PRDM1: variants seen among roughly 807,000 people sequenced by gnomAD.
PRDM1 encodes PR domain zinc finger protein 1.
PRDM1 carries 13 observed loss-of-function variants against 62.8 expected under a neutral mutation model. That is an observed-to-expected ratio of 0.21 (90% CI 0.13 to 0.33). The LOEUF (loss-of-function observed/expected upper bound fraction) is 0.33. Among genes scored for constraint, PRDM1 ranks in the 10% least tolerant of loss-of-function variants. The probability of loss-of-function intolerance (pLI) is 1.00; values close to 1 mark genes in which losing one functional copy is unlikely to be tolerated. For missense variants in PRDM1, 895 were observed against 1,058.8 expected, an observed-to-expected ratio of 0.85 and a Z score of 2.15; for synonymous variants, 396 against 417.6, an observed-to-expected ratio of 0.95 and a Z score of 0.63.
At chr6:106,095,238 G>C (rs529762799) in intron 2 of PRDM1, among the ~76,000 whole-genome samples, 1 of 152,166 alleles carries the variant, frequency 6.6e-6, no homozygotes, top group Non-Finnish European at 1.5e-5. Flanking sequence ...AGGAAACTAG[G>C]AACAGGCTGA....
chr6:106,069,800 G>A (rs540294794), intron 1 of PRDM1, among the ~76,000 whole-genome samples: 1 of 152,338 alleles, frequency 6.6e-6, no homozygotes, highest in African/African-American at 2.4e-5. Flanking sequence ...TGACTTTAGT[G>A]GAAGAGGTTG....
At chr6:106,081,941 C>G (rs769046100), upstream of PRDM1, among the ~76,000 whole-genome samples, 3 of 152,172 alleles carry the variant, frequency 2.0e-5, no homozygotes, top group Non-Finnish European at 4.4e-5. Context: ...AACTGGTCCT[C>G]CCTAATCTTA....
At chr6:106,042,214 G>C (rs1271613758) in intron 1 of PRDM1, among the ~76,000 whole-genome samples, 1 of 151,280 alleles carries the variant, frequency 6.6e-6, no homozygotes, top group Non-Finnish European at 1.5e-5. Flanking sequence ...CCTTTCTTCA[G>C]TGTTACCTTA....
At chr6:105,998,928 TA>T (rs1772393233) in intron 1 of PRDM1, among the ~76,000 whole-genome samples, 66 of 2,292 alleles carry the variant, frequency 0.029, no homozygotes, top group Non-Finnish European at 0.037. Flanking sequence ...TATATATATA[TA>T]TATATTTTTT....
intron 1 of PRDM1, among the ~76,000 whole-genome samples, chr6:106,074,639 A>G (rs1290445192): frequency 2.6e-5 from 4 of 152,160 alleles, no homozygotes; most frequent in Non-Finnish European, 5.9e-5. Flanking sequence ...GAAATAGATG[A>G]AACAACTATA....
At chr6:106,083,411 T>A (rs917815506), upstream of PRDM1, among the ~76,000 whole-genome samples, 19 of 151,230 alleles carry the variant, frequency 1.3e-4, no homozygotes, top group South Asian at 2.1e-4. Context: ...AAAAAAAAAA[T>A]TTTTTTTCCC....
At chr6:106,027,523 G>A (rs892204626) in intron 1 of PRDM1, among the ~76,000 whole-genome samples, 2 of 152,152 alleles carry the variant, frequency 1.3e-5, no homozygotes, top group African/African-American at 2.4e-5. Context: ...TAATGGGAGG[G>A]CGGACTTCAA....
intron 1 of PRDM1, among the ~76,000 whole-genome samples, chr6:106,054,262 A>G (rs1345686065): frequency 4.0e-5 from 6 of 149,798 alleles, no homozygotes; most frequent in African/African-American, 1.3e-4. Flanking sequence ...TACAAAATGA[A>G]TTTTAAATGC....
upstream of PRDM1, among the ~76,000 whole-genome samples, chr6:106,084,664 A>G (rs1232690540): frequency 6.6e-6 from 1 of 152,182 alleles, no homozygotes; most frequent in African/African-American, 2.4e-5. Flanking sequence ...TTTTCTGTCC[A>G]TTGTGGTGCT....
intron 1 of PRDM1, among the ~76,000 whole-genome samples, chr6:105,995,232 G>A (rs2114537001): frequency 6.6e-6 from 1 of 152,168 alleles, no homozygotes; most frequent in East Asian, 1.9e-4. Flanking sequence ...GCGTTGTCAC[G>A]TTCCCTTTGG....
chr6:106,023,505 G>A (rs1480023770), intron 1 of PRDM1, among the ~76,000 whole-genome samples: 1 of 151,988 alleles, frequency 6.6e-6, no homozygotes, highest in Non-Finnish European at 1.5e-5. Flanking sequence ...ATGATTTGAA[G>A]TAAGTTCTGA....
chr6:106,084,995 CT>C (rs1220104432), upstream of PRDM1, among the ~76,000 whole-genome samples: 1 of 152,140 alleles, frequency 6.6e-6, no homozygotes, highest in Non-Finnish European at 1.5e-5. Flanking sequence ...GCCTCTCCCC[CT>C]CTCCCCTAAA....
Position 106,095,722 on chromosome 6 carries a change from A to G in PRDM1, c.399A>G (p.Lys133=), listed in dbSNP as rs1353557226. 6.2e-7 allele frequency: 1 copy of G among 1,613,964 alleles called. No homozygotes were observed. Among genetic ancestry groups the G allele is most frequent in the South Asian group, 1.1e-5 (1 of 91,082 alleles). The change falls in exon 3 of 7, where the codon AAA becomes AAG. Residue 133 remains lysine, a synonymous_variant. Coordinates refer to ENST00000369096, the MANE Select transcript of PRDM1 (RefSeq NM_001198.4). ...NDTVPKNANR[K]YFWRIYSRGE... ...CAGTTCCTAAGAACGCCAACAGGAAATATTTTTGGAGGGTAAGTAAGGGAA... is the reference window on the plus strand; with the variant it reads ...CAGTTCCTAAGAACGCCAACAGGAAGTATTTTTGGAGGGTAAGTAAGGGAA...
intron 1 of PRDM1, among the ~76,000 whole-genome samples, chr6:106,027,010 C>G (rs185796986): frequency 6.6e-6 from 1 of 152,350 alleles, no homozygotes; most frequent in African/African-American, 2.4e-5. Context: ...TGCATCAGTT[C>G]CCTCTCTCAG....
At chr6:106,071,350 A>ATATG (rs756248016) in intron 1 of PRDM1, among the ~76,000 whole-genome samples, 6 of 152,150 alleles carry the variant, frequency 3.9e-5, no homozygotes, top group African/African-American at 7.2e-5. Context: ...TATATGTTAT[A>ATATG]TATGTATGTA....
At chr6:106,088,500 C>A (rs749766669) in intron 2 of PRDM1, 51 bp downstream of exon 2, 1 of 1,607,894 alleles carries the variant, frequency 6.2e-7, no homozygotes, top group African/African-American at 1.3e-5. Flanking sequence ...TGCCAAATCT[C>A]CCTACTTGCC....
chr6:106,000,732 T>A (rs984581448), intron 1 of PRDM1, among the ~76,000 whole-genome samples: 1 of 152,238 alleles, frequency 6.6e-6, no homozygotes, highest in Admixed American at 6.5e-5. Context: ...CATACTGATA[T>A]ATGTTGCTTT....
intron 1 of PRDM1, among the ~76,000 whole-genome samples, chr6:106,032,200 G>T (rs2114568132): frequency 6.6e-6 from 1 of 152,306 alleles, no homozygotes; most frequent in South Asian, 2.1e-4. Context: ...GCCTTGCTCT[G>T]TCACCCAGGC....
At chr6:106,012,395 A>G (rs1041116645) in intron 1 of PRDM1, among the ~76,000 whole-genome samples, 1 of 151,284 alleles carries the variant, frequency 6.6e-6, no homozygotes, top group Non-Finnish European at 1.5e-5. Context: ...CACACAAAAC[A>G]TACCACATAC....
Sources: gnomAD v4.1 joint callset for allele counts (sites outside exome capture counted in the v4.1 genomes callset) on GRCh38, gnomAD v4.1.1 for gene constraint, MANE v1.5 for transcripts, NCBI Gene and HGNC (gene_info 2026-07-23, HGNC 2026-07-21) for gene names.